Variants in SLC2A7 observed in about 807,000 individuals in gnomAD.
SLC2A7 encodes the protein solute carrier family 2 member 7.
SLC2A7 carries 50 observed loss-of-function variants against 50.5 expected under a neutral mutation model. The observed-to-expected ratio is 0.99, with a 90% CI of 0.79 to 1.25. SLC2A7 has a LOEUF of 1.25. Among genes scored for constraint, SLC2A7 ranks in the 50% most tolerant of loss-of-function variants. The pLI is 0.00. For synonymous variants in SLC2A7, 308 were observed against 300.4 expected (o/e 1.03, Z -0.26); for missense variants, 683 against 679.1 (o/e 1.01, Z -0.06).
the SLC2A7 span, among the ~76,000 whole-genome samples, chr1:8,995,840 T>G: frequency 6.6e-6 from 1 of 152,150 alleles, no homozygotes; most frequent in African/African-American, 2.4e-5. Context: ...TGATCATAGC[T>G]CACTGCTGCC....
chr1:9,019,084 A>G, intron 4 of SLC2A7, 125 bp downstream of exon 4: 1 of 1,288,692 alleles, frequency 7.8e-7, no homozygotes, highest in Admixed American at 2.7e-5. Flanking sequence ...CTGGGGATGC[A>G]GATGGGAGGA....
At chr1:9,013,292 A>C (rs1202190851) in intron 8 of SLC2A7, among the ~76,000 whole-genome samples, 1 of 152,148 alleles carries the variant, frequency 6.6e-6, no homozygotes, top group East Asian at 1.9e-4. Context: ...GGCCTTCCGA[A>C]GTGCTGGGAT....
At chr1:9,024,642 G>A (rs1477474245) in intron 2 of SLC2A7, among the ~76,000 whole-genome samples, 3 of 152,010 alleles carry the variant, frequency 2.0e-5, no homozygotes, top group Non-Finnish European at 4.4e-5. Context: ...TTCAATCTTT[G>A]ACCCCATTCT....
Position 9,015,140 on chromosome 1 carries a change from C to T in SLC2A7, c.692G>A (p.Gly231Glu), listed in dbSNP as rs755852177. The T allele has an allele frequency of 7.4e-6, 12 of 1,613,356 alleles. No individual in the cohort carries two copies. In the Admixed American group the frequency reaches 1.0e-4, roughly 13 times the overall value. The change falls in exon 6 of 12, where the codon GGA becomes GAA. Residue 231 changes from glycine to glutamate, a missense_variant. Gly to Glu is a moderately conservative substitution (Grantham distance 98). Coordinates refer to ENST00000400906, the MANE Select transcript of SLC2A7 (RefSeq NM_207420.3). ...ACCTTGTCGCGCTGTGGCTTCATCT[C>T]CTTTCTGAATCAGGGAGTAGCGGGG... ...ESPRYSLIQKGDEATARQALR... is the reference protein window; with the variant it reads ...ESPRYSLIQKEDEATARQALR...
the SLC2A7 span, among the ~76,000 whole-genome samples, chr1:8,995,757 T>A: frequency 1.2e-4 from 18 of 152,052 alleles, no homozygotes; most frequent in African/African-American, 4.3e-4. Context: ...AAAAAAATTT[T>A]TTTATTTAAT....
intron 9 of SLC2A7, among the ~76,000 whole-genome samples, chr1:9,009,715 C>G (rs1324745120): frequency 1.3e-5 from 2 of 152,212 alleles, no homozygotes; most frequent in Non-Finnish European, 2.9e-5. Context: ...GCCTTGGCCT[C>G]CCAAAGTGCT....
In SLC2A7 at chr1:9,018,254, G is replaced by A. The variant is rs1474792500; in HGVS notation, c.558C>T (p.Phe186=). ...VIVGVFLAQI[F]SLQAILGNPA... is the part of the protein sequence containing the mutation. ...GGTTGCCCAAGATGGCCTGGAGGCT[G>A]AAGATCTGTGCTAGGAAGACTCCAA... Residue 186 remains phenylalanine, a synonymous_variant, in exon 5 of 12, where the codon TTC becomes TTT. Transcript: ENST00000400906. The A allele has an allele frequency of 6.2e-7, 1 of 1,614,170 alleles. No homozygotes were observed. The highest frequency in any genetic ancestry group is 1.1e-5 in the South Asian group (1 of 91,080).
the SLC2A7 span, among the ~76,000 whole-genome samples, chr1:8,993,446 A>G: frequency 1.3e-5 from 2 of 152,236 alleles, no homozygotes; most frequent in Non-Finnish European, 2.9e-5. Context: ...TAAAAAGGGC[A>G]TAAAAACAAA....
At chr1:9,021,926 T>A (rs1640917990) in intron 3 of SLC2A7, among the ~76,000 whole-genome samples, 1 of 152,004 alleles carries the variant, frequency 6.6e-6, no homozygotes, top group Non-Finnish European at 1.5e-5. Context: ...ACACTCTTGG[T>A]CTGGCTGAGA....
At chr1:9,022,143 T>G (rs901454365) in intron 3 of SLC2A7, among the ~76,000 whole-genome samples, 1 of 152,216 alleles carries the variant, frequency 6.6e-6, no homozygotes, top group African/African-American at 2.4e-5. Context: ...GAAAATGGAA[T>G]TGCTCTGGTT....
intron 3 of SLC2A7, among the ~76,000 whole-genome samples, chr1:9,020,809 T>C (rs928617193): frequency 6.6e-6 from 1 of 151,774 alleles, no homozygotes; most frequent in Non-Finnish European, 1.5e-5. Flanking sequence ...AATTCCCACA[T>C]GTGTGGGAGG....
rs188309893 is a variant in SLC2A7 at position 9,026,246 on chromosome 1, A to G, written c.51+49T>C. 132 of 1,583,112 alleles carry G rather than the reference A, an allele frequency of 8.3e-5. No homozygotes were observed. In the African/African-American group the frequency reaches 1.4e-3, roughly 17 times the overall value. ...CCTTCACCTCCCTCCACAGGTCTGC[A>G]CAGCTGGTGGGAGAGGGACAGTGAC... On this transcript the variant is annotated intron_variant, in intron 1 of 11. Transcript: ENST00000400906.
At chr1:8,996,670 A>G in the SLC2A7 span, among the ~76,000 whole-genome samples, 1 of 152,204 alleles carries the variant, frequency 6.6e-6, no homozygotes, top group African/African-American at 2.4e-5. Context: ...GTTGCCCCTC[A>G]TCTTTATCAA....
chr1:9,004,037 C>T (rs1157208916), intron 11 of SLC2A7, among the ~76,000 whole-genome samples: 2 of 148,946 alleles, frequency 1.3e-5, no homozygotes, highest in South Asian at 2.1e-4. Flanking sequence ...AAAAAAAAAG[C>T]TAGAAATTGG....
chr1:8,999,105 A>G (rs1387957466), downstream of SLC2A7, among the ~76,000 whole-genome samples: 1 of 152,212 alleles, frequency 6.6e-6, no homozygotes, highest in East Asian at 1.9e-4. Flanking sequence ...TTTTTAAATT[A>G]CACATTCAAT....
At chr1:8,995,049 G>A in the SLC2A7 span, among the ~76,000 whole-genome samples, 16 of 150,236 alleles carry the variant, frequency 1.1e-4, no homozygotes, top group Admixed American at 8.6e-4. Flanking sequence ...GGGATTACAC[G>A]TGTGAGCCAC....
chr1:8,997,087 G>C, the SLC2A7 span, among the ~76,000 whole-genome samples: 3 of 151,922 alleles, frequency 2.0e-5, no homozygotes, highest in African/African-American at 7.2e-5. Flanking sequence ...CAATGTTGAG[G>C]ATCTTTTCAT....
At chr1:9,022,348 G>A (rs979609050) in intron 3 of SLC2A7, among the ~76,000 whole-genome samples, 3 of 152,132 alleles carry the variant, frequency 2.0e-5, no homozygotes, top group African/African-American at 7.2e-5. Context: ...CCTTATCTGT[G>A]GAGTCACGTC....
At chr1:8,994,188 C>G in the SLC2A7 span, among the ~76,000 whole-genome samples, 1 of 152,226 alleles carries the variant, frequency 6.6e-6, no homozygotes, top group Non-Finnish European at 1.5e-5. Context: ...AATGAGTGGG[C>G]TGACCTAAGG....
Sources: gnomAD v4.1 joint callset for allele counts (sites outside exome capture counted in the v4.1 genomes callset) on GRCh38, gnomAD v4.1.1 for gene constraint, MANE v1.5 for transcripts, NCBI Gene and HGNC (gene_info 2026-07-23, HGNC 2026-07-21) for gene names.